The following ADARB2 variants were observed in gnomAD, a reference collection of about 807,000 sequenced individuals.
The protein encoded by ADARB2 is adenosine deaminase RNA specific B2 (inactive), also known as inactive double-stranded RNA-specific editase B2.
In ADARB2, 25 loss-of-function variants were observed where a neutral mutation model predicts 62.2. The observed-to-expected ratio is 0.40, with a 90% CI of 0.29 to 0.56. The LOEUF (loss-of-function observed/expected upper bound fraction) is 0.56. Ranked by LOEUF, ADARB2 falls within the 20% of genes least tolerant of loss-of-function variation. The pLI is 0.43. For missense variants in ADARB2, 1,071 were observed against 1,077.4 expected (o/e 0.99, Z 0.08); for synonymous variants, 572 against 500.8 (o/e 1.14, Z -1.90).
chr10:1,229,826 T>TGA (rs1218835743), intron 6 of ADARB2, among the ~76,000 whole-genome samples: 5 of 142,258 alleles, frequency 3.5e-5, no homozygotes, highest in Admixed American at 3.5e-4. Flanking sequence ...TTATGTATGT[T>TGA]TTTGTGCACA....
intron 1 of ADARB2, among the ~76,000 whole-genome samples, chr10:1,445,313 A>G (rs1382599682): frequency 6.7e-6 from 1 of 148,670 alleles, no homozygotes; most frequent in East Asian, 2.0e-4. Flanking sequence ...ATCCGCCTAC[A>G]TCCATCCTTT....
chr10:1,650,930 G>A (rs1588338771), intron 1 of ADARB2, among the ~76,000 whole-genome samples: 1 of 152,198 alleles, frequency 6.6e-6, no homozygotes, highest in African/African-American at 2.4e-5. Flanking sequence ...GTGAGGGCTG[G>A]CCAGCCACAC....
At chr10:1,216,857 C>T in intron 7 of ADARB2, 94 bp downstream of exon 7, 1 of 1,495,604 alleles carries the variant, frequency 6.7e-7, no homozygotes, top group African/African-American at 1.4e-5. Context: ...CCCAGCATCA[C>T]TGACCTCACC....
chr10:1,660,077 T>C (rs1184522711), intron 1 of ADARB2, among the ~76,000 whole-genome samples: 1 of 152,188 alleles, frequency 6.6e-6, no homozygotes, highest in Non-Finnish European at 1.5e-5. Context: ...GGGCAACCCA[T>C]CATGCAGCTT....
intron 1 of ADARB2, among the ~76,000 whole-genome samples, chr10:1,385,055 G>A (rs775824518): frequency 6.6e-6 from 1 of 152,226 alleles, no homozygotes; most frequent in Middle Eastern, 3.4e-3. Context: ...GTGAACATGC[G>A]CTAACAAAGA....
At chr10:1,730,218 T>C (rs1393420230) in intron 1 of ADARB2, among the ~76,000 whole-genome samples, 1 of 152,186 alleles carries the variant, frequency 6.6e-6, no homozygotes, top group Non-Finnish European at 1.5e-5. Flanking sequence ...GAGTGATCTG[T>C]TGCTGGCACC....
intron 3 of ADARB2, among the ~76,000 whole-genome samples, chr10:1,348,592 C>T (rs1832104193): frequency 6.6e-6 from 1 of 152,216 alleles, no homozygotes; most frequent in African/African-American, 2.4e-5. Flanking sequence ...CCCTTGTGCC[C>T]TGCTCTCCTC....
intron 1 of ADARB2, among the ~76,000 whole-genome samples, chr10:1,546,270 C>T (rs564187167): frequency 1.6e-4 from 24 of 152,320 alleles, no homozygotes; most frequent in African/African-American, 5.5e-4. Context: ...CAGCAGTACT[C>T]GTGGTCCCAG....
intron 1 of ADARB2, among the ~76,000 whole-genome samples, chr10:1,634,878 T>C (rs1833894376): frequency 6.6e-6 from 1 of 152,216 alleles, no homozygotes; most frequent in Non-Finnish European, 1.5e-5. Context: ...GTAGTTACTT[T>C]CCAGAACAAA....
At chr10:1,439,160 G>T (rs1260150893) in intron 1 of ADARB2, among the ~76,000 whole-genome samples, 4 of 127,826 alleles carry the variant, frequency 3.1e-5, no homozygotes, top group East Asian at 5.1e-4. Flanking sequence ...GGCCCTTCAC[G>T]ATGGGGCTCC....
At chr10:1,380,161 CT>C (rs1832470310) in intron 1 of ADARB2, among the ~76,000 whole-genome samples, 1 of 152,186 alleles carries the variant, frequency 6.6e-6, no homozygotes, top group Non-Finnish European at 1.5e-5. Flanking sequence ...CCCAGACATC[CT>C]CCAGCCCGCA....
chr10:1,351,781 A>G (rs1446339831), intron 3 of ADARB2, among the ~76,000 whole-genome samples: 2 of 152,070 alleles, frequency 1.3e-5, no homozygotes, highest in East Asian at 1.9e-4. Flanking sequence ...CTGCTACAGC[A>G]TGGCCTTTTA....
intron 6 of ADARB2, among the ~76,000 whole-genome samples, chr10:1,224,313 C>G (rs544996288): frequency 1.2e-3 from 177 of 152,268 alleles, no homozygotes; most frequent in African/African-American, 4.0e-3. Flanking sequence ...ATTCTTCTCT[C>G]TTTTCTTCTT....
chr10:1,656,592 T>C (rs980112780), intron 1 of ADARB2, among the ~76,000 whole-genome samples: 1 of 152,098 alleles, frequency 6.6e-6, no homozygotes, highest in African/African-American at 2.4e-5. Context: ...TGCGTGGTCT[T>C]GTGAATGACG....
chr10:1,201,545 A>T (rs1436630724), intron 7 of ADARB2, among the ~76,000 whole-genome samples: 4 of 151,494 alleles, frequency 2.6e-5, no homozygotes, highest in Non-Finnish European at 5.9e-5. Context: ...GAAGGGTAGG[A>T]TGAGATGGAG....
intron 1 of ADARB2, among the ~76,000 whole-genome samples, chr10:1,642,127 G>C (rs1391228417): frequency 6.6e-6 from 1 of 152,010 alleles, no homozygotes; most frequent in African/African-American, 2.4e-5. Flanking sequence ...CTGTGTATTT[G>C]TGCCATTAAT....
At chr10:1,497,835 G>A (rs893210558) in intron 1 of ADARB2, among the ~76,000 whole-genome samples, 2 of 152,008 alleles carry the variant, frequency 1.3e-5, no homozygotes, top group Non-Finnish European at 2.9e-5. Flanking sequence ...AATTTGAAGG[G>A]GGTGGAGTTT....
At chr10:1,235,131 TG>T (rs1407565000) in intron 5 of ADARB2, among the ~76,000 whole-genome samples, 1 of 151,564 alleles carries the variant, frequency 6.6e-6, no homozygotes, top group Non-Finnish European at 1.5e-5. Context: ...TCTGTGGATT[TG>T]CCAGTGCTGC....
chr10:1,245,773 TCA>T (rs1830980898), intron 4 of ADARB2, among the ~76,000 whole-genome samples: 1 of 152,154 alleles, frequency 6.6e-6, no homozygotes, highest in Non-Finnish European at 1.5e-5. Context: ...GTCTTTGCTA[TCA>T]TGAATAGTGC....
Sources: gnomAD v4.1 joint callset for allele counts (sites outside exome capture counted in the v4.1 genomes callset) on GRCh38, gnomAD v4.1.1 for gene constraint, MANE v1.5 for transcripts, NCBI Gene and HGNC (gene_info 2026-07-23, HGNC 2026-07-21) for gene names.